The following CPAMD8 variants were observed in gnomAD, a reference collection of about 807,000 sequenced individuals.
CPAMD8 encodes C3 and PZP like alpha-2-macroglobulin domain containing 8, also known as C3 and PZP-like alpha-2-macroglobulin domain-containing protein 8.
CPAMD8 carries 146 observed loss-of-function variants against 224.7 expected under a neutral mutation model. The ratio of observed to expected loss-of-function variants is 0.65; its 90% CI spans 0.57 to 0.75. CPAMD8 has a LOEUF of 0.75. Among genes scored for constraint, CPAMD8 ranks in the 30% least tolerant of loss-of-function variants. The probability of loss-of-function intolerance (pLI) is 0.00; values close to 1 mark genes in which losing one functional copy is unlikely to be tolerated. For missense variants in CPAMD8, 2,301 were observed against 2,537.5 expected (o/e 0.91, Z 2.00); for synonymous variants, 966 against 1,044.6 (o/e 0.92, Z 1.45).
chr19:16,970,898 G>A lies in CPAMD8; in HGVS notation c.2206C>T (p.Pro736Ser), dbSNP rs1456712110. The stretch of plus-strand genomic sequence containing the variant: ...CAATGTATAAGCCGTTACCTGGGGG[G>A]GTGCCTGGAAGGAGCCACTGCCACC... ...SLVAVAPSRHPPRTEKRKRTF... is the reference protein window; with the variant it reads ...SLVAVAPSRHSPRTEKRKRTF... Residue 736 changes from proline to serine, a missense_variant, in exon 18 of 42, where the codon CCC becomes TCC. Pro to Ser is a moderately conservative substitution (Grantham distance 74). Transcript: ENST00000443236. The A allele has an allele frequency of 6.2e-7, 1 of 1,613,470 alleles. No individual in the cohort carries two copies. The highest frequency in any genetic ancestry group is 8.5e-7 in the Non-Finnish European group (1 of 1,179,866).
Position 16,975,984 on chromosome 19 carries a change from C to A in CPAMD8, c.1908+18G>T. The A allele has an allele frequency of 1.3e-6, 2 of 1,562,078 alleles. No homozygotes were observed. The highest frequency in any genetic ancestry group is 1.7e-6 in the Non-Finnish European group (2 of 1,152,226). On this transcript the variant is annotated intron_variant, in intron 16 of 41. Coordinates refer to ENST00000443236, the MANE Select transcript of CPAMD8 (RefSeq NM_015692.5). ...GCCCCGTGGAGGTCTAGAACCCAAG[C>A]CCGAGGGGTCTGCTCACCTGGGCAG...
At chr19:17,012,445 G>A (rs866221538) in intron 3 of CPAMD8, among the ~76,000 whole-genome samples, 10 of 150,404 alleles carry the variant, frequency 6.6e-5, no homozygotes, top group Non-Finnish European at 1.0e-4. Flanking sequence ...CCTGCTGGGC[G>A]CAAGCAATCC....
At chr19:16,923,392 A>G (rs1403167671) in intron 26 of CPAMD8, among the ~76,000 whole-genome samples, 1 of 152,148 alleles carries the variant, frequency 6.6e-6, no homozygotes, top group African/African-American at 2.4e-5. Flanking sequence ...TCAGCCAGAC[A>G]CAGCCTGTGA....
chr19:16,951,889 C>T, intron 20 of CPAMD8, 80 bp downstream of exon 20: 1 of 896,884 alleles, frequency 1.1e-6, no homozygotes, highest in Non-Finnish European at 1.8e-6. Flanking sequence ...ACTGTCCCAC[C>T]CCTGCCTACC....
Position 16,899,437 on chromosome 19 carries a change from C to A in CPAMD8, c.4848+38G>T. ...CGGTGCACCCTCACCAACATGCACA[C>A]CAGGGAAGCCTCCTCCACCAACCCC... is the stretch of plus-strand genomic sequence containing the variant. On this transcript the variant is annotated intron_variant, in intron 37 of 41. Coordinates refer to ENST00000443236, the MANE Select transcript of CPAMD8 (RefSeq NM_015692.5). The surrounding 1 kb of genome is among the most constrained non-coding windows in gnomAD (Gnocchi z 5.4). 8.3e-6 allele frequency: 8 copies of A among 961,106 alleles called. No homozygotes were observed. The highest frequency in any genetic ancestry group is 1.2e-5 in the Non-Finnish European group (7 of 584,412). The allele number at this position is 961,106 out of a possible 1,614,324, so 59.5% of individuals were successfully genotyped here.
chr19:16,926,041 G>A (rs1055244357), intron 25 of CPAMD8, among the ~76,000 whole-genome samples: 13 of 152,140 alleles, frequency 8.5e-5, no homozygotes, highest in Non-Finnish European at 1.5e-4. Flanking sequence ...AATTACAGGC[G>A]TGATCCACTG....
chr19:16,922,000 A>T lies in CPAMD8; in HGVS notation c.3548-14T>A, dbSNP rs1237582326. 1 of 1,541,038 alleles carries T rather than the reference A, an allele frequency of 6.5e-7. No individual in the cohort carries two copies. The highest frequency in any genetic ancestry group is 2.0e-5 in the Admixed American group (1 of 50,970). On this transcript the variant is annotated splice_polypyrimidine_tract_variant and intron_variant, in intron 26 of 41. Transcript: ENST00000443236. ...GGCGCTGGTAGCCTGTGGGGCAAGC[A>T]GAGAGGACCCTGTCCTGTTGAGTGG...
intron 3 of CPAMD8, among the ~76,000 whole-genome samples, chr19:17,014,643 AG>A (rs768563712): frequency 7.9e-5 from 12 of 152,194 alleles, no homozygotes; most frequent in Non-Finnish European, 1.6e-4. Context: ...CCAAGCAAAA[AG>A]GGGTTTCCCC....
intron 13 of CPAMD8, among the ~76,000 whole-genome samples, chr19:16,982,119 G>A (rs545929408): frequency 7.9e-5 from 12 of 152,184 alleles, no homozygotes; most frequent in Non-Finnish European, 1.3e-4. Context: ...TTGGCCAGGC[G>A]CAGTGGCTCA....
In CPAMD8 at chr19:16,898,032, A is replaced by T. The variant is rs113020760; in HGVS notation, c.4849-38T>A. 1.3e-6 allele frequency: 2 copies of T among 1,508,856 alleles called. No homozygotes were observed. The highest frequency in any genetic ancestry group is 2.8e-5 in the African/African-American group (2 of 72,172). The allele number at this position is 1,508,856 out of a possible 1,614,324, so 93.5% of individuals were successfully genotyped here. A position where few individuals can be genotyped will look rare whatever the true frequency, so the allele number is the denominator to read the frequency against. ...GGCGGGCGCAGGCTCGACCCGGGCCAGGAGGCCCGGGGCGCTGAGCTCAGG... is the reference window on the plus strand; with the variant it reads ...GGCGGGCGCAGGCTCGACCCGGGCCTGGAGGCCCGGGGCGCTGAGCTCAGG... On this transcript the variant is annotated intron_variant, in intron 37 of 41. Coordinates refer to ENST00000443236, the MANE Select transcript of CPAMD8 (RefSeq NM_015692.5). The surrounding 1 kb of genome is among the most constrained non-coding windows in gnomAD (Gnocchi z 4.2).
In CPAMD8 at chr19:16,902,752, C is replaced by G; in HGVS notation, c.4582G>C (p.Ala1528Pro). 6.3e-7 allele frequency: 1 copy of G among 1,595,320 alleles called. No homozygotes were observed. Among genetic ancestry groups the G allele is most frequent in the Non-Finnish European group, 8.6e-7 (1 of 1,167,178 alleles). ...QGRPPPMPAS[A>P]AEGSRGDWPP... ...CAGTCTCCTCGGGAACCCTCAGCTG[C>G]GGAGGCAGGCATGGGGGGCGGGCGT... Residue 1528 changes from alanine to proline, a missense_variant, in exon 35 of 42, where the codon GCA becomes CCA. Around this residue, in one of 4 missense-constraint regions of CPAMD8, gnomAD observed 1,709 missense variants for 1,753.2 expected, o/e 0.97. Transcript: ENST00000443236.
At position 16,967,894 on chromosome 19, in the gene CPAMD8, T is replaced by TGCATATATACACACACAC. The variant is rs2054900926; in HGVS notation, c.2213+2996_2213+2997insGTGTGTGTGTATATATGC. Reference sequence around the variant, plus strand: ...ATATGTGCATATATACACACACATGTGTGTGTATATATGTGCATATATACA... The same window carrying TGCATATATACACACACAC: ...ATATGTGCATATATACACACACATGTGCATATATACACACACACGTGTGTATATATGTGCATATATACA... On this transcript the variant is annotated intron_variant, in intron 18 of 41. Coordinates refer to ENST00000443236, the MANE Select transcript of CPAMD8 (RefSeq NM_015692.5). 5.2e-3 allele frequency among the ~76,000 whole-genome samples: 90 copies of TGCATATATACACACACAC among 17,144 alleles called. 1 individual carries two copies. The highest frequency in any genetic ancestry group is 8.9e-3 in the South Asian group (1 of 112). 11.2% of individuals were successfully genotyped at this position (17,144 alleles called of 152,430 possible).
At position 16,964,693 on chromosome 19, in the gene CPAMD8, C is replaced by A. The variant is rs148219659; in HGVS notation, c.2213+6198G>T. ...ATCCTCCCTAACTCATTTTATGAGGCCAGCATCATCCTGATACCAAAGCCT... is the reference window on the plus strand; with the variant it reads ...ATCCTCCCTAACTCATTTTATGAGGACAGCATCATCCTGATACCAAAGCCT... On this transcript the variant is annotated intron_variant, in intron 18 of 41. Coordinates refer to ENST00000443236, the MANE Select transcript of CPAMD8 (RefSeq NM_015692.5). 9.5e-3 allele frequency among the ~76,000 whole-genome samples: 1,449 copies of A among 152,270 alleles called. 21 individuals are homozygous for A. Among genetic ancestry groups the A allele is most frequent in the African/African-American group, 0.033 (1,379 of 41,550 alleles).
At chr19:16,944,285 A>ATC (rs962629388) in intron 22 of CPAMD8, among the ~76,000 whole-genome samples, 29 of 152,242 alleles carry the variant, frequency 1.9e-4, no homozygotes, top group African/African-American at 7.0e-4. Context: ...TTGTAGCTTC[A>ATC]TCTTTTGCAT....
chr19:17,017,524 T>C (rs1568608226), intron 3 of CPAMD8, among the ~76,000 whole-genome samples: 1 of 152,134 alleles, frequency 6.6e-6, no homozygotes, highest in Non-Finnish European at 1.5e-5. Context: ...TGGGGCCACA[T>C]CCTTCTTTGC....
At chr19:16,947,356 C>G in intron 20 of CPAMD8, 129 bp from the exon 21 acceptor site, 1 of 1,176,240 alleles carries the variant, frequency 8.5e-7, no homozygotes, top group Non-Finnish European at 1.2e-6. Context: ...GCCATGCTCC[C>G]CCCGGGAAGG....
intron 29 of CPAMD8, among the ~76,000 whole-genome samples, chr19:16,907,989 A>C (rs1330224680): frequency 6.6e-6 from 1 of 152,202 alleles, no homozygotes; most frequent in African/African-American, 2.4e-5. Flanking sequence ...AAATGAGCAC[A>C]GTGATACTCT....
chr19:16,978,303 C>T (rs2055354675), intron 14 of CPAMD8, among the ~76,000 whole-genome samples: 1 of 152,126 alleles, frequency 6.6e-6, no homozygotes, highest in Non-Finnish European at 1.5e-5. Flanking sequence ...AAACCCCCAC[C>T]CCCAAGTCAC....
intron 41 of CPAMD8, 59 bp from the exon 42 acceptor site, chr19:16,893,398 G>A: frequency 1.7e-6 from 2 of 1,208,280 alleles, no homozygotes; most frequent in Non-Finnish European, 2.3e-6. Context: ...GGGGCCTCGG[G>A]CTGAGGAAGG....
Sources: gnomAD v4.1 joint callset for allele counts (sites outside exome capture counted in the v4.1 genomes callset) on GRCh38, gnomAD v4.1.1 for gene constraint, gnomAD v4.1.1 regional missense constraint, Gnocchi (gnomAD v3.1) non-coding constraint, MANE v1.5 for transcripts, NCBI Gene and HGNC (gene_info 2026-07-23, HGNC 2026-07-21) for gene names.